Variants in DOCK1 observed in about 807,000 individuals in gnomAD.
DOCK1 encodes the protein dedicator of cytokinesis 1.
In DOCK1, 138 loss-of-function variants were observed where a neutral mutation model predicts 262.7. The ratio of observed to expected loss-of-function variants is 0.53; its 90% CI spans 0.46 to 0.61. The LOEUF (loss-of-function observed/expected upper bound fraction) is 0.61. Among genes scored for constraint, DOCK1 ranks in the 20% least tolerant of loss-of-function variants. The pLI is 0.00. For missense variants in DOCK1, 1,908 were observed against 2,370.7 expected (o/e 0.80, Z 4.05); for synonymous variants, 866 against 867.4 (o/e 1.00, Z 0.03).
At chr10:127,087,260 A>G (rs988098013) in intron 23 of DOCK1, among the ~76,000 whole-genome samples, 4 of 152,210 alleles carry the variant, frequency 2.6e-5, no homozygotes, top group Non-Finnish European at 5.9e-5. Context: ...ATGGGCTTAT[A>G]ATTTTTCATG....
intron 17 of DOCK1, 83 bp downstream of exon 17, chr10:127,031,836 C>T: frequency 8.1e-7 from 1 of 1,241,264 alleles, no homozygotes; most frequent in Non-Finnish European, 1.1e-6. Flanking sequence ...CAACCTTTCC[C>T]ATCATTGTGA....
At chr10:127,346,112 C>T (rs565686265) in intron 31 of DOCK1, among the ~76,000 whole-genome samples, 2 of 152,278 alleles carry the variant, frequency 1.3e-5, no homozygotes, top group East Asian at 1.9e-4. Context: ...GGACCCGAGC[C>T]CAGCCACAGC....
chr10:127,358,217 A>G (rs1221816556), intron 32 of DOCK1, among the ~76,000 whole-genome samples: 1 of 152,074 alleles, frequency 6.6e-6, no homozygotes, highest in Non-Finnish European at 1.5e-5. Flanking sequence ...CATAGAGAGG[A>G]GCATCTCAGC....
intron 27 of DOCK1, among the ~76,000 whole-genome samples, chr10:127,132,916 T>A (rs886234558): frequency 6.6e-6 from 1 of 152,118 alleles, no homozygotes; most frequent in African/African-American, 2.4e-5. Context: ...TAAGGAAAAA[T>A]TCCCTTTGAA....
At chr10:127,220,450 C>T (rs2058384249) in intron 27 of DOCK1, among the ~76,000 whole-genome samples, 1 of 138,992 alleles carries the variant, frequency 7.2e-6, no homozygotes, top group East Asian at 2.2e-4. Context: ...GATATGCAGT[C>T]AAATTTTAAT....
chr10:126,909,246 T>C (rs1452568017), intron 1 of DOCK1, among the ~76,000 whole-genome samples: 3 of 151,998 alleles, frequency 2.0e-5, no homozygotes, highest in African/African-American at 7.2e-5. Context: ...GGGAGGCCCC[T>C]AGCTAATGAT....
rs2047508350 is a variant in DOCK1, at chr10:127,091,176, G to A, written c.2446-15055G>A. 2.6e-5 allele frequency among the ~76,000 whole-genome samples: 4 copies of A among 152,080 alleles called. No individual in the cohort carries two copies. In the South Asian group the frequency reaches 8.3e-4, roughly 32 times the overall value. On this transcript the variant is annotated intron_variant, in intron 23 of 51. Coordinates refer to ENST00000623213, the MANE Select transcript of DOCK1 (RefSeq NM_001290223.2). ...TTTTTTGCATTTTTAGTAGAGACGGGGTTTCACCATGTTAGCCAGGATGGT... is the reference window on the plus strand; with the variant it reads ...TTTTTTGCATTTTTAGTAGAGACGGAGTTTCACCATGTTAGCCAGGATGGT...
intron 28 of DOCK1, among the ~76,000 whole-genome samples, chr10:127,256,683 G>A (rs1213029072): frequency 6.6e-6 from 1 of 152,212 alleles, no homozygotes; most frequent in Non-Finnish European, 1.5e-5. Context: ...GGGTAGAGCA[G>A]CTGGGTGTGT....
intron 25 of DOCK1, among the ~76,000 whole-genome samples, chr10:127,110,953 C>T (rs536595320): frequency 1.3e-5 from 2 of 152,174 alleles, no homozygotes; most frequent in Non-Finnish European, 2.9e-5. Context: ...AAAACCTCTG[C>T]ATAATTCCAC....
intron 1 of DOCK1, among the ~76,000 whole-genome samples, chr10:126,953,612 G>A (rs953252709): frequency 5.3e-5 from 8 of 152,196 alleles, no homozygotes; most frequent in Non-Finnish European, 1.0e-4. Flanking sequence ...CATCAGTGGA[G>A]CTCCCATTTT....
intron 27 of DOCK1, chr10:127,154,001 A>G (rs7068954): frequency 0.98 from 975,753 of 991,072 alleles, 480,937 homozygotes; most frequent in East Asian, 1. Flanking sequence ...CCTCAAATCA[A>G]ATGCCTTCCC....
chr10:127,069,656 A>G (rs1240667533), intron 23 of DOCK1, among the ~76,000 whole-genome samples: 2 of 152,132 alleles, frequency 1.3e-5, no homozygotes, highest in African/African-American at 4.8e-5. Context: ...CGTCTAGGTC[A>G]CATTGTCTGT....
At chr10:127,365,622 C>T (rs1157924436) in intron 33 of DOCK1, among the ~76,000 whole-genome samples, 1 of 152,154 alleles carries the variant, frequency 6.6e-6, no homozygotes, top group African/African-American at 2.4e-5. Flanking sequence ...AAACATCATT[C>T]TATTTGTCAT....
At chr10:127,401,361 G>A (rs139499619) in intron 38 of DOCK1, among the ~76,000 whole-genome samples, 21 of 152,320 alleles carry the variant, frequency 1.4e-4, no homozygotes, top group African/African-American at 2.2e-4. Flanking sequence ...AGAAGAGACC[G>A]AGGCAAGTTT....
intron 47 of DOCK1, among the ~76,000 whole-genome samples, chr10:127,428,297 A>G (rs991920472): frequency 4.6e-5 from 7 of 152,186 alleles, no homozygotes; most frequent in African/African-American, 1.7e-4. Context: ...GACATCCTGC[A>G]TATTCCCTTC....
chr10:127,029,027 A>G (rs960202420), intron 16 of DOCK1, among the ~76,000 whole-genome samples: 2 of 152,236 alleles, frequency 1.3e-5, no homozygotes, highest in African/African-American at 2.4e-5. Context: ...TAATTAATAA[A>G]TTACACTAGG....
chr10:126,920,368 G>A (rs749898287), intron 1 of DOCK1, among the ~76,000 whole-genome samples: 7 of 152,168 alleles, frequency 4.6e-5, no homozygotes, highest in South Asian at 2.1e-4. Context: ...ATTAGCTGGC[G>A]GGAGAATAGA....
At chr10:126,920,338 C>T (rs189394266) in intron 1 of DOCK1, among the ~76,000 whole-genome samples, 31 of 152,292 alleles carry the variant, frequency 2.0e-4, no homozygotes, top group South Asian at 8.3e-4. Context: ...CTTGTTGATA[C>T]GTTTGTCTGC....
intron 27 of DOCK1, among the ~76,000 whole-genome samples, chr10:127,155,712 A>G (rs1383695127): frequency 1.3e-5 from 2 of 152,108 alleles, no homozygotes; most frequent in East Asian, 3.8e-4. Flanking sequence ...AGGCTCTTCC[A>G]CATGATGACA....
Sources: allele counts gnomAD v4.1 joint callset (sites outside exome capture counted in the v4.1 genomes callset), GRCh38; gene constraint gnomAD v4.1.1; transcripts MANE v1.5; gene names NCBI Gene and HGNC (gene_info 2026-07-23, HGNC 2026-07-21).